Variants in KPNA4 observed in about 807,000 individuals in gnomAD.
KPNA4 encodes importin subunit alpha-3.
Under a neutral mutation model 71.3 loss-of-function variants are expected in KPNA4, and 13 were observed. The ratio of observed to expected loss-of-function variants is 0.18; its 90% CI spans 0.12 to 0.29. The LOEUF (loss-of-function observed/expected upper bound fraction) is 0.29, where lower values mean the gene tolerates loss of function less well. Among genes scored for constraint, KPNA4 ranks in the 10% least tolerant of loss-of-function variants. The pLI is 1.00. For synonymous variants in KPNA4, 189 were observed against 195.2 expected, an observed-to-expected ratio of 0.97 and a Z score of 0.26; for missense variants, 334 against 603.2, an observed-to-expected ratio of 0.55 and a Z score of 4.67.
At chr3:160,521,425 C>A (rs759488148) in intron 11 of KPNA4, among the ~76,000 whole-genome samples, 17 of 152,064 alleles carry the variant, frequency 1.1e-4, no homozygotes, top group Non-Finnish European at 1.8e-4. Context: ...ATGGCAAAAC[C>A]CTGACTGTAT....
intron 13 of KPNA4, among the ~76,000 whole-genome samples, chr3:160,513,777 T>C (rs1391746123): frequency 6.6e-6 from 1 of 152,200 alleles, no homozygotes; most frequent in East Asian, 1.9e-4. Context: ...CTTAGAATAC[T>C]ATGTAAGCAT....
chr3:160,520,646 A>G (rs1441695410), intron 11 of KPNA4, among the ~76,000 whole-genome samples: 2 of 152,134 alleles, frequency 1.3e-5, no homozygotes, highest in African/African-American at 4.8e-5. Flanking sequence ...TAATCTGACT[A>G]TGTATCAGTA....
intron 1 of KPNA4, chr3:160,564,279 G>C (rs1445371228): frequency 6.6e-6 from 1 of 151,946 alleles, no homozygotes; most frequent in Admixed American, 6.6e-5. Context: ...AGACAATGAA[G>C]CTTTTTTTTT....
In KPNA4 at chr3:160,565,205, C is replaced by G. The variant is rs745608592; in HGVS notation, c.69+9G>C. Reference sequence around the variant, plus strand: ...GCCCCCACCCCTCCGGCGTCGTCCCCGAGTTTACCTCCAAGTCGCGGCCTT... The same window carrying G: ...GCCCCCACCCCTCCGGCGTCGTCCCGGAGTTTACCTCCAAGTCGCGGCCTT... On this transcript the variant is annotated intron_variant, in intron 1 of 16. Coordinates refer to ENST00000334256, the MANE Select transcript of KPNA4 (RefSeq NM_002268.5). The G allele has an allele frequency of 1.9e-6, 3 of 1,604,926 alleles. No individual in the cohort carries two copies. Among genetic ancestry groups the G allele is most frequent in the Middle Eastern group, 3.3e-4 (2 of 6,072 alleles).
chr3:160,531,053 T>G (rs530617823), intron 6 of KPNA4, 113 bp from the exon 7 acceptor site: 266 of 704,722 alleles, frequency 3.8e-4, no homozygotes, highest in Non-Finnish European at 5.3e-4. Flanking sequence ...TTTCAAAAGT[T>G]ATCTATCCAT....
intron 1 of KPNA4, among the ~76,000 whole-genome samples, chr3:160,540,250 C>T (rs534443048): frequency 2.6e-5 from 4 of 152,116 alleles, no homozygotes; most frequent in Non-Finnish European, 5.9e-5. Context: ...CCACCCGCCT[C>T]GGCCTCCCAA....
rs559228147 is a variant in KPNA4, at chr3:160,555,182, A to C, written c.69+10032T>G. Reference sequence around the variant, plus strand: ...CTGCTTAGCTGGTGTGTGGGGAAAAACCCCCACACATCTGGTGTCAGAAGT... The same window carrying C: ...CTGCTTAGCTGGTGTGTGGGGAAAACCCCCCACACATCTGGTGTCAGAAGT... On this transcript the variant is annotated intron_variant, in intron 1 of 16. Transcript: ENST00000334256. 9.9e-5 allele frequency among the ~76,000 whole-genome samples: 15 copies of C among 151,964 alleles called. 1 individual carries two copies. Among genetic ancestry groups the C allele is most frequent in the South Asian group, 8.3e-4 (4 of 4,796 alleles).
At chr3:160,562,833 A>C (rs1399493735) in intron 1 of KPNA4, among the ~76,000 whole-genome samples, 1 of 152,224 alleles carries the variant, frequency 6.6e-6, no homozygotes, top group Non-Finnish European at 1.5e-5. Context: ...ATATATACTT[A>C]TTTTTTAAAA....
chr3:160,555,603 G>C (rs1451034630), intron 1 of KPNA4, among the ~76,000 whole-genome samples: 1 of 152,022 alleles, frequency 6.6e-6, no homozygotes, highest in Non-Finnish European at 1.5e-5. Flanking sequence ...TGTGAATGTG[G>C]GATCTCTTTC....
chr3:160,520,345 G>A (rs1437918541), intron 11 of KPNA4, among the ~76,000 whole-genome samples: 1 of 151,664 alleles, frequency 6.6e-6, no homozygotes, highest in Non-Finnish European at 1.5e-5. Flanking sequence ...TCTGCCTCCT[G>A]GGTTCAAGTG....
chr3:160,565,404 C>CT lies in KPNA4; in HGVS notation c.-123dup. 1.3e-6 allele frequency: 1 copy of CT among 760,856 alleles called. No homozygotes were observed. The highest frequency in any genetic ancestry group is 2.4e-5 in the Admixed American group (1 of 42,312). 47.1% of individuals were successfully genotyped at this position (760,856 alleles called of 1,614,324 possible). ...AGCTGCTGTGCCCGCCGCGCCGCCG[C>CT]TTCCTTCCTCCTCTCACCTGCCTCC... On this transcript the variant is annotated 5_prime_UTR_variant, in exon 1 of 17. Transcript: ENST00000334256.
intron 1 of KPNA4, among the ~76,000 whole-genome samples, chr3:160,563,232 T>C (rs1722280141): frequency 6.6e-6 from 1 of 152,186 alleles, no homozygotes; most frequent in South Asian, 2.1e-4. Context: ...TACATTCTTG[T>C]TACAACACGG....
At chr3:160,522,749 C>T (rs927925914) in intron 10 of KPNA4, among the ~76,000 whole-genome samples, 12 of 152,196 alleles carry the variant, frequency 7.9e-5, no homozygotes, top group African/African-American at 2.2e-4. Context: ...TAAGCCACTG[C>T]GCCCGGCCAG....
chr3:160,552,428 A>T (rs1319665481), intron 1 of KPNA4, among the ~76,000 whole-genome samples: 1 of 152,144 alleles, frequency 6.6e-6, no homozygotes, highest in Non-Finnish European at 1.5e-5. Context: ...TTTTCTTAAA[A>T]AAAAAATTTC....
chr3:160,553,870 A>C (rs1478083107), intron 1 of KPNA4, among the ~76,000 whole-genome samples: 3 of 152,228 alleles, frequency 2.0e-5, no homozygotes, highest in Non-Finnish European at 4.4e-5. Context: ...TGTAAATTTG[A>C]GTTTAAGAAA....
At chr3:160,558,779 A>T (rs1272754289) in intron 1 of KPNA4, among the ~76,000 whole-genome samples, 1 of 152,236 alleles carries the variant, frequency 6.6e-6, no homozygotes, top group Admixed American at 6.5e-5. Context: ...TTGTATTAAC[A>T]CTTGAATTGA....
intron 7 of KPNA4, among the ~76,000 whole-genome samples, chr3:160,529,340 GAA>G (rs1429526705): frequency 6.7e-6 from 1 of 150,130 alleles, no homozygotes; most frequent in Non-Finnish European, 1.5e-5. Flanking sequence ...TAACAGAAAG[GAA>G]AAAGTGTGAG....
chr3:160,542,692 T>C (rs1721822976), intron 1 of KPNA4, among the ~76,000 whole-genome samples: 1 of 152,126 alleles, frequency 6.6e-6, no homozygotes, highest in Non-Finnish European at 1.5e-5. Context: ...TGGGCAAAAG[T>C]CTTCTCAAGC....
At chr3:160,521,479 TG>T (rs1721347471) in intron 11 of KPNA4, among the ~76,000 whole-genome samples, 1 of 152,182 alleles carries the variant, frequency 6.6e-6, no homozygotes, top group African/African-American at 2.4e-5. Flanking sequence ...TGTGTGCCTG[TG>T]ATCCCAACCA....
Sources: gnomAD v4.1 joint callset for allele counts (sites outside exome capture counted in the v4.1 genomes callset) on GRCh38, gnomAD v4.1.1 for gene constraint, MANE v1.5 for transcripts, NCBI Gene and HGNC (gene_info 2026-07-23, HGNC 2026-07-21) for gene names.